Variants in ZC3HC1 observed in about 807,000 individuals in gnomAD.
ZC3HC1 encodes the protein zinc finger C3HC-type containing 1, also known as zinc finger C3HC-type protein 1.
In ZC3HC1, 38 loss-of-function variants were observed where a neutral mutation model predicts 61.9. The ratio of observed to expected loss-of-function variants is 0.61; its 90% confidence interval spans 0.47 to 0.81. The LOEUF (loss-of-function observed/expected upper bound fraction) is 0.81, where lower values mean the gene tolerates loss of function less well. Among genes scored for constraint, ZC3HC1 ranks in the 30% least tolerant of loss-of-function variants. The pLI is 0.00. For synonymous variants in ZC3HC1, 213 were observed against 229.9 expected (o/e 0.93, Z 0.67); for missense variants, 554 against 622.7 (o/e 0.89, Z 1.17).
At chr7:130,028,743 A>T (rs78776429) in intron 5 of ZC3HC1, among the ~76,000 whole-genome samples, 159 bp downstream of exon 5, 4,123 of 152,236 alleles carry the variant, frequency 0.027, 165 homozygotes, top group African/African-American at 0.093. Flanking sequence ...TGGAACTCTC[A>T]ACTGTCACCT....
chr7:130,044,214 G>A (rs1272087749), intron 2 of ZC3HC1, among the ~76,000 whole-genome samples: 1 of 152,130 alleles, frequency 6.6e-6, no homozygotes, highest in African/African-American at 2.4e-5. Context: ...TATAGAGACA[G>A]GATCTTGCTA....
chr7:130,049,692 G>A (rs542383989), intron 1 of ZC3HC1, among the ~76,000 whole-genome samples: 3 of 151,944 alleles, frequency 2.0e-5, no homozygotes, highest in Admixed American at 1.3e-4. Flanking sequence ...TTACAGGCGC[G>A]TACCACCAGG....
At chr7:130,043,830 C>T (rs1364201698) in intron 2 of ZC3HC1, 1 of 455,362 alleles carries the variant, frequency 2.2e-6, no homozygotes, top group South Asian at 1.6e-5. Context: ...GAAAGGATGG[C>T]AGCATGGCAG....
chr7:130,037,386 G>A (rs950010984), intron 4 of ZC3HC1, among the ~76,000 whole-genome samples: 1 of 152,202 alleles, frequency 6.6e-6, no homozygotes, highest in Admixed American at 6.6e-5. Flanking sequence ...AGAGGTTGCA[G>A]TGAGCCTAGA....
chr7:130,035,408 A>C (rs1294153329), intron 4 of ZC3HC1, among the ~76,000 whole-genome samples: 1 of 151,118 alleles, frequency 6.6e-6, no homozygotes, highest in African/African-American at 2.4e-5. Context: ...AAAAAAAAAA[A>C]CAGCCGAGTG....
At chr7:130,024,048 CCTCAGT>C (rs1356296806) in intron 7 of ZC3HC1, among the ~76,000 whole-genome samples, 1 of 152,148 alleles carries the variant, frequency 6.6e-6, no homozygotes, top group Admixed American at 6.6e-5. Context: ...GATCTGCCTG[CCTCAGT>C]CTCCCAAAGT....
intron 2 of ZC3HC1, among the ~76,000 whole-genome samples, chr7:130,048,140 G>GTTTTTTTTTTTTT: frequency 7.7e-6 from 1 of 130,152 alleles, no homozygotes. Context: ...CCCTTTCCTA[G>GTTTTTTTTTTTTT]TTGTTTTTTT....
chr7:130,033,036 G>C (rs547807908), intron 4 of ZC3HC1, among the ~76,000 whole-genome samples: 1 of 152,108 alleles, frequency 6.6e-6, no homozygotes, highest in Non-Finnish European at 1.5e-5. Flanking sequence ...AAGAGTTCAA[G>C]GTCAGTCCGG....
intron 9 of ZC3HC1, among the ~76,000 whole-genome samples, chr7:130,021,380 T>C (rs757451289): frequency 3.4e-4 from 52 of 152,268 alleles, no homozygotes; most frequent in Admixed American, 1.8e-3. Flanking sequence ...CAAGGAAAAT[T>C]TGGGAGTGAG....
chr7:130,025,650 C>T (rs906631870), intron 6 of ZC3HC1, among the ~76,000 whole-genome samples: 3 of 151,740 alleles, frequency 2.0e-5, no homozygotes, highest in East Asian at 3.9e-4. Context: ...AGGCAGAACA[C>T]GAGGTCAGGA....
chr7:130,043,309 TCACAAAG>T (rs1794749482), intron 2 of ZC3HC1: 1 of 151,940 alleles, frequency 6.6e-6, no homozygotes. Context: ...AGCTCTTATT[TCACAAAG>T]CACAGTAAAA....
intron 9 of ZC3HC1, among the ~76,000 whole-genome samples, chr7:130,020,511 G>A (rs1337338294): frequency 6.0e-5 from 9 of 151,082 alleles, no homozygotes; most frequent in East Asian, 5.9e-4. Flanking sequence ...ATTCCCCTGC[G>A]TCAGCGTCCC....
chr7:130,041,317 T>A (rs146634110), intron 2 of ZC3HC1, among the ~76,000 whole-genome samples: 2,375 of 151,840 alleles, frequency 0.016, 32 homozygotes, highest in Middle Eastern at 0.024. Flanking sequence ...CCTCCCAAGT[T>A]GCTGGGACCA....
At chr7:130,047,980 CT>C (rs1794931492) in intron 2 of ZC3HC1, among the ~76,000 whole-genome samples, 1 of 152,132 alleles carries the variant, frequency 6.6e-6, no homozygotes, top group African/African-American at 2.4e-5. Flanking sequence ...AAGTTGTGAA[CT>C]TTCCTTTAGA....
chr7:130,037,010 G>A (rs1794455330), intron 4 of ZC3HC1: 1 of 152,356 alleles, frequency 6.6e-6, no homozygotes, highest in South Asian at 2.1e-4. Context: ...ATGAAAATAT[G>A]AGTCAAGCTC....
At chr7:130,030,829 T>G (rs4507693) in intron 4 of ZC3HC1, among the ~76,000 whole-genome samples, 41 of 151,160 alleles carry the variant, frequency 2.7e-4, no homozygotes, top group Non-Finnish European at 4.7e-4. Context: ...CCACTGCGCC[T>G]GGCTAATTTT....
At chr7:130,044,076 G>A (rs1033303943) in intron 2 of ZC3HC1, among the ~76,000 whole-genome samples, 7 of 152,154 alleles carry the variant, frequency 4.6e-5, no homozygotes, top group African/African-American at 1.7e-4. Context: ...GAATGTGTGT[G>A]TCTGTGTGTG....
chr7:130,026,393 C>G, intron 5 of ZC3HC1, 81 bp from the exon 6 acceptor site: 4 of 1,439,048 alleles, frequency 2.8e-6, no homozygotes, highest in Non-Finnish European at 3.7e-6. Context: ...CTAGATGGTA[C>G]AAGCCGAAAA....
At position 130,024,253 on chromosome 7, in the gene ZC3HC1, A is replaced by C. The variant is rs1329227262; in HGVS notation, c.1020+10T>G. On this transcript the variant is annotated intron_variant, in intron 7 of 9. Transcript: ENST00000358303. Reference sequence around the variant, plus strand: ...TTTAAAATTCCACCCCAAATAAGCTAAGTGAATACCTGCTCTGAGCCTGGG... The same window carrying C: ...TTTAAAATTCCACCCCAAATAAGCTCAGTGAATACCTGCTCTGAGCCTGGG... 6.3e-7 allele frequency: 1 copy of C among 1,575,240 alleles called. No homozygotes were observed. The highest frequency in any genetic ancestry group is 1.9e-5 in the Admixed American group (1 of 51,904).
Sources: allele counts gnomAD v4.1 joint callset (sites outside exome capture counted in the v4.1 genomes callset), GRCh38; gene constraint gnomAD v4.1.1; transcripts MANE v1.5; gene names NCBI Gene and HGNC (gene_info 2026-07-23, HGNC 2026-07-21).